Variants in ODF2 observed in about 807,000 individuals in gnomAD.
ODF2 encodes the protein outer dense fiber of sperm tails 2, also known as outer dense fiber protein 2.
In ODF2, 47 loss-of-function variants were observed where a neutral mutation model predicts 110.2. The observed-to-expected ratio is 0.43, with a 90% CI of 0.34 to 0.54. The LOEUF (loss-of-function observed/expected upper bound fraction) is 0.54, where lower values mean the gene tolerates loss of function less well. ODF2 is among the 20% of genes least tolerant of loss of function. ODF2 has a pLI of 0.03. For synonymous variants in ODF2, 352 were observed against 397.7 expected (o/e 0.89, Z 1.37); for missense variants, 812 against 1,054.5 (o/e 0.77, Z 3.19).
chr9:128,479,529 A>G (rs4837271), intron 8 of ODF2, among the ~76,000 whole-genome samples: 43,344 of 152,032 alleles, frequency 0.29, 7,231 homozygotes, highest in African/African-American at 0.45. Flanking sequence ...GAGTCCTCCC[A>G]TGTCCTGCTT....
At chr9:128,471,689 G>C (rs1199209237) in intron 6 of ODF2, among the ~76,000 whole-genome samples, 1 of 152,102 alleles carries the variant, frequency 6.6e-6, no homozygotes, top group Non-Finnish European at 1.5e-5. Context: ...TTGTGGTGTG[G>C]GACTGGGTAG....
At chr9:128,460,526 G>C in intron 3 of ODF2, 24 bp from the exon 3 acceptor site, 1 of 1,608,548 alleles carries the variant, frequency 6.2e-7, no homozygotes, top group Non-Finnish European at 8.5e-7. Flanking sequence ...AACCATTTTT[G>C]TGTTGTCCTC....
chr9:128,496,007 C>T (rs773737842), intron 17 of ODF2, 34 bp from the exon 18 acceptor site: 1 of 1,612,052 alleles, frequency 6.2e-7, no homozygotes. Flanking sequence ...CGGGAAATTC[C>T]TTTGTAAACC....
chr9:128,466,974 C>G (rs1449139553), intron 4 of ODF2, among the ~76,000 whole-genome samples: 1 of 75,992 alleles, frequency 1.3e-5, no homozygotes, highest in Non-Finnish European at 2.2e-5. Context: ...GAGACTCCAT[C>G]TCAATTAAAA....
chr9:128,455,252 G>A (rs1834540152), upstream of ODF2: 1 of 1,534,498 alleles, frequency 6.5e-7, no homozygotes, highest in African/African-American at 1.4e-5. Context: ...GCGGCATAGA[G>A]AGTGCAGGAG....
At chr9:128,468,920 G>A (rs1231111399) in intron 4 of ODF2, 2 of 413,850 alleles carry the variant, frequency 4.8e-6, no homozygotes, top group Non-Finnish European at 4.3e-6. Flanking sequence ...TGGTTTTACA[G>A]GGTATCCAGC....
Position 128,471,300 on chromosome 9 carries a change from C to T in ODF2, c.421-8C>T, listed in dbSNP as rs759537864. On this transcript the variant is annotated splice_polypyrimidine_tract_variant and splice_region_variant and intron_variant, in intron 5 of 20. Transcript: ENST00000604420. ...TTCAGTGGCCCCTGCCTGGGTCCCCCTGCTCAGGTCAAGATGCAAAAAGGT... is the reference window on the plus strand; with the variant it reads ...TTCAGTGGCCCCTGCCTGGGTCCCCTTGCTCAGGTCAAGATGCAAAAAGGT... The T allele has an allele frequency of 1.1e-5, 17 of 1,603,160 alleles. 2 individuals carry two copies. In the South Asian group the frequency reaches 1.8e-4, roughly 17 times the overall value.
At chr9:128,476,058 C>T (rs1228864060) in intron 8 of ODF2, among the ~76,000 whole-genome samples, 1 of 146,018 alleles carries the variant, frequency 6.8e-6, no homozygotes. Flanking sequence ...AAAGGATTTC[C>T]TTTTTGAAGG....
chr9:128,487,828 C>A lies in ODF2; in HGVS notation c.1401-62C>A, dbSNP rs966274808. The stretch of plus-strand genomic sequence containing the variant: ...AAACACACACACACACACACACACA[C>A]ACACACAAACAAACCTGTGTAATTG... On this transcript the variant is annotated intron_variant, in intron 13 of 20. Coordinates refer to ENST00000604420, the Ensembl canonical transcript of ODF2. 42 of 1,558,730 alleles carry A rather than the reference C, an allele frequency of 2.7e-5. 1 individual carries two copies. The highest frequency in any genetic ancestry group is 1.6e-4 in the Admixed American group (9 of 56,254).
chr9:128,492,892 G>A (rs1474792008), intron 16 of ODF2, 87 bp downstream of exon 16: 10 of 1,178,388 alleles, frequency 8.5e-6, no homozygotes, highest in Admixed American at 2.0e-5. Flanking sequence ...GTTTGCCTTT[G>A]ACCCTACCTG....
At chr9:128,479,603 G>T (rs1286009525) in intron 8 of ODF2, among the ~76,000 whole-genome samples, 1 of 151,804 alleles carries the variant, frequency 6.6e-6, no homozygotes, top group Non-Finnish European at 1.5e-5. Flanking sequence ...CAGACCTTCC[G>T]ACCTGGCCAT....
intron 20 of ODF2, among the ~76,000 whole-genome samples, chr9:128,499,740 G>T (rs992051739): frequency 1.3e-5 from 2 of 152,146 alleles, no homozygotes; most frequent in Non-Finnish European, 2.9e-5. Flanking sequence ...CTCCTGAGCA[G>T]CTAGGACTAC....
At chr9:128,484,131 T>TCCAGG (rs915282997) in intron 11 of ODF2, 77 bp downstream of exon 11, 27 of 1,041,308 alleles carry the variant, frequency 2.6e-5, no homozygotes, top group Non-Finnish European at 3.8e-5. Flanking sequence ...GGCCCAGATA[T>TCCAGG]CACACTCAGG....
chr9:128,467,986 C>T (rs1273468503), intron 4 of ODF2, among the ~76,000 whole-genome samples: 1 of 151,986 alleles, frequency 6.6e-6, no homozygotes, highest in Admixed American at 6.6e-5. Context: ...TGAGCCACCG[C>T]TCCTGGCCCT....
intron 18 of ODF2, among the ~76,000 whole-genome samples, chr9:128,497,341 G>A (rs563983500): frequency 2.1e-5 from 3 of 144,252 alleles, no homozygotes; most frequent in South Asian, 2.3e-4. Flanking sequence ...TAATCCCAGC[G>A]TTTTGGGAGG....
chr9:128,455,899 C>T, upstream of ODF2: 2 of 1,305,298 alleles, frequency 1.5e-6, no homozygotes, highest in Non-Finnish European at 2.0e-6. Context: ...GAAACAGGGC[C>T]GAGCGGGAAA....
chr9:128,467,308 G>A (rs916913260), intron 4 of ODF2, among the ~76,000 whole-genome samples: 1 of 151,596 alleles, frequency 6.6e-6, no homozygotes, highest in East Asian at 1.9e-4. Flanking sequence ...ATATAGAAAA[G>A]GTACGGTAAA....
intron 4 of ODF2, among the ~76,000 whole-genome samples, chr9:128,468,580 T>C (rs1470877553): frequency 6.6e-6 from 1 of 152,054 alleles, no homozygotes; most frequent in Non-Finnish European, 1.5e-5. Flanking sequence ...TGGAGTGCAA[T>C]GGCGCAATCT....
At chr9:128,473,794 G>A (rs1588846064) in intron 8 of ODF2, 53 bp downstream of exon 8, 2 of 1,525,326 alleles carry the variant, frequency 1.3e-6, no homozygotes, top group East Asian at 4.5e-5. Flanking sequence ...CATCCTCTCT[G>A]AGCCTTTCTC....
Sources: allele counts gnomAD v4.1 joint callset (sites outside exome capture counted in the v4.1 genomes callset), GRCh38; gene constraint gnomAD v4.1.1; transcripts MANE v1.5; gene names NCBI Gene and HGNC (gene_info 2026-07-23, HGNC 2026-07-21).